ATRN: variants seen among roughly 807,000 people sequenced by gnomAD.
The protein encoded by ATRN is attractin.
Under a neutral mutation model 178.7 loss-of-function variants are expected in ATRN, and 54 were observed. That is an observed-to-expected ratio of 0.30 (90% CI 0.24 to 0.38). The LOEUF is 0.38. ATRN is among the 10% of genes least tolerant of loss of function. The probability of loss-of-function intolerance (pLI) is 1.00; values close to 1 mark genes in which losing one functional copy is unlikely to be tolerated. For missense variants in ATRN, 1,443 were observed against 1,815.1 expected (o/e 0.79, Z 3.73); for synonymous variants, 636 against 663.0 (o/e 0.96, Z 0.63).
At chr20:3,568,162 G>T (rs1190142453) in intron 11 of ATRN, among the ~76,000 whole-genome samples, 4 of 151,730 alleles carry the variant, frequency 2.6e-5, no homozygotes, top group Non-Finnish European at 5.9e-5. Flanking sequence ...GTGGTGGCGG[G>T]CGCATGTAGT....
chr20:3,538,570 A>C lies in ATRN; in HGVS notation c.495-1652A>C, dbSNP rs551254714. ...CACTGTTTTTCTGAATGTGCTCTCAATGGTTGTTCCTCCTCAGTGTAAGTG... is the reference window on the plus strand; with the variant it reads ...CACTGTTTTTCTGAATGTGCTCTCACTGGTTGTTCCTCCTCAGTGTAAGTG... On this transcript the variant is annotated intron_variant, in intron 2 of 28. Coordinates refer to ENST00000262919, the MANE Select transcript of ATRN (RefSeq NM_139321.3). Among the ~76,000 whole-genome samples, 18 of 152,218 alleles carry C rather than the reference A, an allele frequency of 1.2e-4. No individual in the cohort carries two copies. The Middle Eastern group carries it at 0.01, about 86-fold the overall frequency.
chr20:3,552,750 G>C (rs1312749050), intron 6 of ATRN, among the ~76,000 whole-genome samples: 2 of 152,124 alleles, frequency 1.3e-5, no homozygotes, highest in Non-Finnish European at 2.9e-5. Flanking sequence ...AGAACCGAGG[G>C]TCCCAGCTTT....
chr20:3,620,381 G>A (rs1450709916), intron 24 of ATRN, among the ~76,000 whole-genome samples: 1 of 152,126 alleles, frequency 6.6e-6, no homozygotes. Context: ...CAAGTAGCTG[G>A]GATCACAGGT....
At chr20:3,523,160 A>T (rs2085318809) in intron 1 of ATRN, among the ~76,000 whole-genome samples, 1 of 152,006 alleles carries the variant, frequency 6.6e-6, no homozygotes, top group African/African-American at 2.4e-5. Flanking sequence ...GGAAGCTAAG[A>T]ACCTTGAAAA....
chr20:3,481,312 A>G (rs931765987), intron 1 of ATRN, among the ~76,000 whole-genome samples: 1 of 152,110 alleles, frequency 6.6e-6, no homozygotes, highest in Non-Finnish European at 1.5e-5. Flanking sequence ...AAAACATTGA[A>G]AAAGTTTTTT....
chr20:3,583,874 G>T (rs2086314789), intron 16 of ATRN, 24 bp from the exon 17 acceptor site: 2 of 1,605,040 alleles, frequency 1.2e-6, no homozygotes, highest in South Asian at 2.2e-5. Context: ...AGCTCTAAGT[G>T]TCTCTCTTGG....
intron 1 of ATRN, among the ~76,000 whole-genome samples, chr20:3,501,276 G>A (rs1038381460): frequency 3.9e-5 from 6 of 152,152 alleles, no homozygotes; most frequent in Non-Finnish European, 7.4e-5. Context: ...GGAGATGTCC[G>A]TATGAACTCA....
chr20:3,484,263 C>A (rs375029584), intron 1 of ATRN, among the ~76,000 whole-genome samples: 6,160 of 149,198 alleles, frequency 0.041, 163 homozygotes, highest in Non-Finnish European at 0.057. Context: ...AAAAAAAAAA[C>A]AACAAAGAAA....
At chr20:3,636,583 G>A (rs1283869222) in intron 26 of ATRN, among the ~76,000 whole-genome samples, 2 of 152,204 alleles carry the variant, frequency 1.3e-5, no homozygotes, top group Non-Finnish European at 2.9e-5. Flanking sequence ...TTTAACAAGA[G>A]CTGACATCTG....
chr20:3,608,721 C>G (rs1300976340), intron 24 of ATRN, among the ~76,000 whole-genome samples: 3 of 152,106 alleles, frequency 2.0e-5, no homozygotes, highest in African/African-American at 7.2e-5. Flanking sequence ...AATCCCAGCA[C>G]TTTGGGAGGC....
At chr20:3,602,963 CAAAAAAAAAA>C (rs3842439) in intron 23 of ATRN, among the ~76,000 whole-genome samples, 145 of 40,870 alleles carry the variant, frequency 3.5e-3, no homozygotes, top group African/African-American at 0.014. Flanking sequence ...AATTCCATCT[CAAAAAAAAAA>C]AAAAAAAAAA....
intron 23 of ATRN, 68 bp from the exon 24 acceptor site, chr20:3,604,037 G>T: frequency 7.5e-7 from 1 of 1,334,930 alleles, no homozygotes; most frequent in Non-Finnish European, 1.0e-6. Context: ...TATTAATGAG[G>T]CCAGATTCTG....
intron 13 of ATRN, 91 bp from the exon 14 acceptor site, chr20:3,576,768 T>A: frequency 5.8e-6 from 8 of 1,371,374 alleles, no homozygotes; most frequent in Non-Finnish European, 8.0e-6. Context: ...GCTTCCTCAA[T>A]TAGATTTTGT....
chr20:3,553,251 T>C (rs774055263), intron 6 of ATRN, among the ~76,000 whole-genome samples: 38 of 152,196 alleles, frequency 2.5e-4, no homozygotes, highest in Non-Finnish European at 4.0e-4. Flanking sequence ...TTTACCATTA[T>C]GTGATTTTAC....
intron 1 of ATRN, among the ~76,000 whole-genome samples, chr20:3,481,822 A>G (rs1263069390): frequency 1.5e-5 from 2 of 131,928 alleles, no homozygotes; most frequent in South Asian, 2.3e-4. Context: ...TTAGAATTTG[A>G]CATTAAAAGT....
At chr20:3,565,957 G>A (rs2086029997) in intron 11 of ATRN, among the ~76,000 whole-genome samples, 1 of 152,090 alleles carries the variant, frequency 6.6e-6, no homozygotes, top group Non-Finnish European at 1.5e-5. Context: ...GAATTACTTT[G>A]AATGCCATGT....
At position 3,576,848 on chromosome 20, in the gene ATRN, C is replaced by T. The variant is rs199633893; in HGVS notation, c.2215-11C>T. ...GATACAAAAGAAAAGCTTTTGTCCA[C>T]TGTGTTCTAGATCTCCATTTTTAGG... On this transcript the variant is annotated splice_polypyrimidine_tract_variant and intron_variant, in intron 13 of 28. Transcript: ENST00000262919. 1 of 1,613,356 alleles carries T rather than the reference C, an allele frequency of 6.2e-7. No individual in the cohort carries two copies. Among genetic ancestry groups the T allele is most frequent in the Admixed American group, 1.7e-5 (1 of 59,930 alleles).
chr20:3,493,253 A>T (rs761882642), intron 1 of ATRN, among the ~76,000 whole-genome samples: 1 of 151,268 alleles, frequency 6.6e-6, no homozygotes, highest in Non-Finnish European at 1.5e-5. Flanking sequence ...TCCTGAACTC[A>T]GATAATCCTT....
chr20:3,471,327 C>T lies in ATRN; in HGVS notation c.220C>T (p.Leu74=), dbSNP rs2084417632. 1 of 1,485,772 alleles carries T rather than the reference C, an allele frequency of 6.7e-7. No individual in the cohort carries two copies. The highest frequency in any genetic ancestry group is 8.9e-7 in the Non-Finnish European group (1 of 1,126,946). 92.0% of individuals were successfully genotyped at this position (1,485,772 alleles called of 1,614,324 possible). A position where few individuals can be genotyped will look rare whatever the true frequency, so the allele number is the denominator to read the frequency against. Residue 74 remains leucine, a synonymous_variant, in exon 1 of 29, where the codon CTG becomes TTG. Coordinates refer to ENST00000262919, the MANE Select transcript of ATRN (RefSeq NM_139321.3). ...GTTGTTGCTCTCGCCGCCGCTGCTG[C>T]TGCTGCTGCTGCCCTGTGAGGCCGA... is the stretch of plus-strand genomic sequence containing the variant. ...LLLLLSPPLL[L]LLLPCEAEAA...
Sources: allele counts gnomAD v4.1 joint callset (sites outside exome capture counted in the v4.1 genomes callset), GRCh38; gene constraint gnomAD v4.1.1; transcripts MANE v1.5; gene names NCBI Gene and HGNC (gene_info 2026-07-23, HGNC 2026-07-21).